RSRC1: variants seen among roughly 807,000 people sequenced by gnomAD.
RSRC1 encodes the protein arginine and serine rich coiled-coil 1.
Under a neutral mutation model 49.1 loss-of-function variants are expected in RSRC1, and 39 were observed. That is an observed-to-expected ratio of 0.79 (90% CI 0.61 to 1.04). The LOEUF is 1.04. Ranked by LOEUF, RSRC1 falls within the 50% of genes least tolerant of loss-of-function variation. The pLI is 0.00. For synonymous variants in RSRC1, 143 were observed against 130.8 expected (o/e 1.09, Z -0.63); for missense variants, 388 against 402.4 (o/e 0.96, Z 0.31).
At chr3:158,526,178 ATCT>A (rs1712010684) in intron 7 of RSRC1, among the ~76,000 whole-genome samples, 1 of 151,940 alleles carries the variant, frequency 6.6e-6, no homozygotes, top group Non-Finnish European at 1.5e-5. Flanking sequence ...ATCATCTCAC[ATCT>A]TCTACCATCC....
intron 5 of RSRC1, among the ~76,000 whole-genome samples, chr3:158,325,354 G>A (rs1559993632): frequency 6.6e-6 from 1 of 152,092 alleles, no homozygotes; most frequent in Non-Finnish European, 1.5e-5. Flanking sequence ...GGGTTTTTAT[G>A]GTTTTAGGTC....
At chr3:158,189,924 G>A (rs1720139301) in intron 3 of RSRC1, among the ~76,000 whole-genome samples, 2 of 151,306 alleles carry the variant, frequency 1.3e-5, no homozygotes, top group South Asian at 4.2e-4. Flanking sequence ...TTTGTTGCAT[G>A]GTCTTGACTT....
At chr3:158,265,806 C>T (rs983589093) in intron 4 of RSRC1, among the ~76,000 whole-genome samples, 3 of 152,032 alleles carry the variant, frequency 2.0e-5, no homozygotes, top group Non-Finnish European at 2.9e-5. Context: ...CTCAAGGTCA[C>T]GAAGATTTTC....
At chr3:158,439,000 G>T (rs1004587261) in intron 6 of RSRC1, among the ~76,000 whole-genome samples, 1 of 152,118 alleles carries the variant, frequency 6.6e-6, no homozygotes, top group Admixed American at 6.6e-5. Context: ...AAAAGTGGGC[G>T]AAGGATATGA....
At chr3:158,470,361 C>CACATATATAT (rs756776025) in intron 7 of RSRC1, among the ~76,000 whole-genome samples, 60 of 100,340 alleles carry the variant, frequency 6.0e-4, no homozygotes, top group Admixed American at 1.1e-3. Context: ...CACACACACA[C>CACATATATAT]ATATATATAT....
intron 4 of RSRC1, among the ~76,000 whole-genome samples, chr3:158,258,840 G>C (rs1310682829): frequency 1.3e-5 from 2 of 151,906 alleles, no homozygotes; most frequent in Non-Finnish European, 2.9e-5. Flanking sequence ...AGAGACTCTG[G>C]TGCATTTCTC....
At chr3:158,309,151 A>G (rs1320707427) in intron 5 of RSRC1, among the ~76,000 whole-genome samples, 4 of 151,972 alleles carry the variant, frequency 2.6e-5, no homozygotes, top group African/African-American at 4.8e-5. Flanking sequence ...TTTAGGCAAT[A>G]TAAATTACAT....
chr3:158,438,517 C>T (rs1736176843), intron 6 of RSRC1, among the ~76,000 whole-genome samples: 1 of 152,100 alleles, frequency 6.6e-6, no homozygotes, highest in Non-Finnish European at 1.5e-5. Flanking sequence ...TAACACCACA[C>T]ATCTACAACC....
At chr3:158,288,837 C>A (rs1230703858) in intron 4 of RSRC1, among the ~76,000 whole-genome samples, 1 of 1,526 alleles carries the variant, frequency 6.6e-4, no homozygotes, top group African/African-American at 1.5e-3. Flanking sequence ...CGTTCCCCGC[C>A]CCCCCCCCCC....
At chr3:158,323,629 T>C (rs1404847818) in intron 5 of RSRC1, among the ~76,000 whole-genome samples, 1 of 152,160 alleles carries the variant, frequency 6.6e-6, no homozygotes. Context: ...GTTTTTGCCA[T>C]TCAAGCTGTA....
At chr3:158,326,320 G>C (rs1729137578) in intron 5 of RSRC1, among the ~76,000 whole-genome samples, 1 of 152,146 alleles carries the variant, frequency 6.6e-6, no homozygotes, top group Non-Finnish European at 1.5e-5. Flanking sequence ...TTTTCAAAGG[G>C]AATGCTTCCA....
intron 4 of RSRC1, chr3:158,225,753 C>T (rs1358938426): frequency 2.3e-6 from 1 of 433,284 alleles, no homozygotes; most frequent in South Asian, 1.7e-5. Context: ...CCTATACAAG[C>T]CCTTAGAAAC....
chr3:158,336,797 C>G (rs1729921251), intron 5 of RSRC1: 2 of 152,160 alleles, frequency 1.3e-5, no homozygotes, highest in Non-Finnish European at 2.9e-5. Flanking sequence ...AGTGGTACAG[C>G]CCTGACCTGT....
chr3:158,380,952 T>TA (rs1189029933), intron 6 of RSRC1, among the ~76,000 whole-genome samples: 1 of 152,226 alleles, frequency 6.6e-6, no homozygotes, highest in African/African-American at 2.4e-5. Context: ...GATTTTTTTT[T>TA]ACATAAATAT....
chr3:158,147,481 A>C (rs952787105), intron 3 of RSRC1, among the ~76,000 whole-genome samples: 1 of 151,334 alleles, frequency 6.6e-6, no homozygotes. Context: ...GTCATACTTC[A>C]GGAAATCTAT....
intron 4 of RSRC1, among the ~76,000 whole-genome samples, chr3:158,272,134 C>T (rs1009005236): frequency 1.3e-5 from 2 of 152,062 alleles, no homozygotes; most frequent in African/African-American, 2.4e-5. Context: ...AAGCAAGTAC[C>T]GGCAGATAAA....
intron 7 of RSRC1, among the ~76,000 whole-genome samples, chr3:158,474,987 T>C (rs1163604778): frequency 6.6e-6 from 1 of 152,120 alleles, no homozygotes; most frequent in African/African-American, 2.4e-5. Flanking sequence ...TGATCTCGGC[T>C]CATTGCAGCC....
intron 6 of RSRC1, among the ~76,000 whole-genome samples, chr3:158,383,175 C>T (rs1047912438): frequency 6.6e-6 from 1 of 152,086 alleles, no homozygotes; most frequent in Non-Finnish European, 1.5e-5. Flanking sequence ...TTAAGGACAT[C>T]GCTGTTTTAT....
At chr3:158,346,251 G>A (rs574089483) in intron 5 of RSRC1, among the ~76,000 whole-genome samples, 1 of 152,096 alleles carries the variant, frequency 6.6e-6, no homozygotes, top group Non-Finnish European at 1.5e-5. Flanking sequence ...GTTTGAAGCT[G>A]CAATGAGCTA....
Sources: allele counts gnomAD v4.1 joint callset (sites outside exome capture counted in the v4.1 genomes callset), GRCh38; gene constraint gnomAD v4.1.1; transcripts MANE v1.5; gene names NCBI Gene and HGNC (gene_info 2026-07-23, HGNC 2026-07-21).